NEDD4L: variants seen among roughly 807,000 people sequenced by gnomAD.
NEDD4L encodes E3 ubiquitin-protein ligase NEDD4-like.
Under a neutral mutation model 148.9 loss-of-function variants are expected in NEDD4L, and 54 were observed. The observed-to-expected ratio is 0.36, with a 90% CI of 0.29 to 0.45. The LOEUF is 0.45. NEDD4L is among the 20% of genes least tolerant of loss of function. NEDD4L has a pLI of 1.00. For missense variants in NEDD4L, 856 were observed against 1,233.8 expected (o/e 0.69, Z 4.59); for synonymous variants, 433 against 440.7 (o/e 0.98, Z 0.22).
intron 1 of NEDD4L, among the ~76,000 whole-genome samples, chr18:58,099,750 G>T (rs1044871173): frequency 6.6e-6 from 1 of 152,224 alleles, no homozygotes; most frequent in African/African-American, 2.4e-5. Context: ...TCTAAGGGGT[G>T]TAAGACGGCC....
intron 24 of NEDD4L, among the ~76,000 whole-genome samples, chr18:58,374,830 C>T (rs1051116240): frequency 2.6e-5 from 4 of 152,130 alleles, no homozygotes; most frequent in African/African-American, 9.7e-5. Context: ...CCTGCACCCG[C>T]TGCTTTTTTG....
intron 2 of NEDD4L, among the ~76,000 whole-genome samples, chr18:58,206,864 A>G (rs867080307): frequency 6.6e-6 from 1 of 152,184 alleles, no homozygotes; most frequent in Non-Finnish European, 1.5e-5. Context: ...TTGCATCCCC[A>G]CCTGGGCACC....
rs2048602456 is a variant in NEDD4L at position 58,256,566 on chromosome 18, G to A, written c.297+4512G>A. 18 of 1,232,310 alleles carry A rather than the reference G, an allele frequency of 1.5e-5. No homozygotes were observed. Among genetic ancestry groups the A allele is most frequent in the South Asian group, 1.2e-4 (3 of 24,316 alleles). The allele number at this position is 1,232,310 out of a possible 1,614,324, so 76.3% of individuals were successfully genotyped here. On this transcript the variant is annotated intron_variant, in intron 5 of 30. Transcript: ENST00000400345. The surrounding 1 kb of genome is among the most constrained non-coding windows in gnomAD (Gnocchi z 5.2). ...CGGGGAGCCCTGGAGGCATCGCCTC[G>A]AGCTGGCAGGATGGCTCCTGAAATC...
At chr18:58,205,201 A>G (rs2041855624) in intron 2 of NEDD4L, among the ~76,000 whole-genome samples, 1 of 152,224 alleles carries the variant, frequency 6.6e-6, no homozygotes, top group South Asian at 2.1e-4. Flanking sequence ...CTCCTAATGA[A>G]CTAATATAGT....
Position 58,325,064 on chromosome 18 carries a change from T to G in NEDD4L, c.582T>G (p.Pro194=), listed in dbSNP as rs779020402. 1.2e-6 allele frequency: 2 copies of G among 1,613,914 alleles called. No individual in the cohort carries two copies. The highest frequency in any genetic ancestry group is 2.7e-5 in the African/African-American group (2 of 74,946). The change falls in exon 9 of 31, where the codon CCT becomes CCG. Residue 194 remains proline, a synonymous_variant. Coordinates refer to ENST00000400345, the MANE Select transcript of NEDD4L (RefSeq NM_001144967.3). The part of the protein sequence containing the change: ...SQHQEELPPP[P]LPPGWEEKVD... ...ACCAAGAGGAACTTCCTCCTCCTCC[T>G]CTGCCTCCCGGGTGGGAAGAAAAAG...
rs1043648922 is a variant in NEDD4L at position 58,397,936 on chromosome 18, A to C, written c.*1667A>C. The C allele has an allele frequency of 6.6e-6, 1 of 152,482 alleles. No homozygotes were observed. Among genetic ancestry groups the C allele is most frequent in the Non-Finnish European group, 1.5e-5 (1 of 68,034 alleles). The allele number at this position is 152,482 out of a possible 1,614,324, so 9.4% of individuals were successfully genotyped here. A position where few individuals can be genotyped will look rare whatever the true frequency, so the allele number is the denominator to read the frequency against. ...GTTTGGGGAGGTCTGTTTGTTACAT[A>C]AAAAGGACCTTTCGGTGTAAGAAAT... is the stretch of plus-strand genomic sequence containing the variant. On this transcript the variant is annotated 3_prime_UTR_variant, in exon 31 of 31. Coordinates refer to ENST00000400345, the MANE Select transcript of NEDD4L (RefSeq NM_001144967.3).
intron 2 of NEDD4L, among the ~76,000 whole-genome samples, chr18:58,222,760 T>G (rs1447650724): frequency 1.3e-5 from 2 of 152,208 alleles, no homozygotes; most frequent in Admixed American, 1.3e-4. Context: ...GTATCAACAA[T>G]ATGAAATATC....
At chr18:58,142,750 C>G (rs746616845) in intron 1 of NEDD4L, among the ~76,000 whole-genome samples, 3 of 152,210 alleles carry the variant, frequency 2.0e-5, no homozygotes, top group Non-Finnish European at 2.9e-5. Context: ...TGTGAAGACT[C>G]TGGAAATGAG....
intron 21 of NEDD4L, 55 bp from the exon 22 acceptor site, chr18:58,367,691 C>T (rs2046307535): frequency 6.2e-7 from 1 of 1,605,078 alleles, no homozygotes; most frequent in East Asian, 2.2e-5. Context: ...AACAAATATG[C>T]AAAATCTTGC....
chr18:58,120,578 G>C (rs1052151491), intron 1 of NEDD4L, among the ~76,000 whole-genome samples: 7 of 152,158 alleles, frequency 4.6e-5, no homozygotes, highest in Non-Finnish European at 5.9e-5. Flanking sequence ...AGGAGATCGA[G>C]ACCATCCTGG....
chr18:58,198,101 G>A (rs1012605374), intron 2 of NEDD4L, among the ~76,000 whole-genome samples: 1 of 152,186 alleles, frequency 6.6e-6, no homozygotes, highest in African/African-American at 2.4e-5. Context: ...GATAGGTAAA[G>A]TTAGCCCTTT....
intron 3 of NEDD4L, 117 bp from the exon 4 acceptor site, chr18:58,248,782 C>T (rs2047573226): frequency 9.8e-6 from 6 of 610,964 alleles, no homozygotes; most frequent in Non-Finnish European, 1.5e-5. Context: ...CGACTAAATG[C>T]TTCTCTTAGC....
intron 1 of NEDD4L, among the ~76,000 whole-genome samples, chr18:58,067,223 T>A (rs1426242697): frequency 6.6e-6 from 1 of 152,148 alleles, no homozygotes; most frequent in Non-Finnish European, 1.5e-5. Context: ...TTAAGCAGAA[T>A]GCAGTCCTAG....
At chr18:58,051,264 C>G (rs6566927) in intron 1 of NEDD4L, among the ~76,000 whole-genome samples, 137,499 of 152,222 alleles carry the variant, frequency 0.9, 62,185 homozygotes, top group East Asian at 1. Context: ...TCTCAGAAAA[C>G]AAAGGCAAAC....
chr18:58,241,777 G>A (rs963909900), intron 2 of NEDD4L, among the ~76,000 whole-genome samples: 1 of 152,018 alleles, frequency 6.6e-6, no homozygotes, highest in Admixed American at 6.5e-5. Context: ...AGGCACTCAG[G>A]AAATAGAAGG....
chr18:58,118,962 T>C (rs1256505628), intron 1 of NEDD4L, among the ~76,000 whole-genome samples: 1 of 137,422 alleles, frequency 7.3e-6, no homozygotes, highest in Non-Finnish European at 1.6e-5. Context: ...CCTTTCTGGG[T>C]CTTGGATTTT....
At chr18:58,109,863 C>T (rs558184116) in intron 1 of NEDD4L, among the ~76,000 whole-genome samples, 105 of 152,236 alleles carry the variant, frequency 6.9e-4, no homozygotes, top group African/African-American at 2.3e-3. Flanking sequence ...CCACCAAACC[C>T]GGCTGACTAG....
chr18:58,085,728 A>G (rs142556422), intron 1 of NEDD4L, among the ~76,000 whole-genome samples: 1 of 152,188 alleles, frequency 6.6e-6, no homozygotes, highest in East Asian at 1.9e-4. Flanking sequence ...CTTATTTTAA[A>G]CAGCTTTCAT....
intron 1 of NEDD4L, among the ~76,000 whole-genome samples, chr18:58,125,189 G>A (rs767582571): frequency 7.2e-5 from 11 of 152,196 alleles, no homozygotes; most frequent in African/African-American, 2.2e-4. Flanking sequence ...GTGAGGCATC[G>A]CGCCTGGCCT....
Sources: gnomAD v4.1 joint callset for allele counts (sites outside exome capture counted in the v4.1 genomes callset) on GRCh38, gnomAD v4.1.1 for gene constraint, Gnocchi (gnomAD v3.1) non-coding constraint, MANE v1.5 for transcripts, NCBI Gene and HGNC (gene_info 2026-07-23, HGNC 2026-07-21) for gene names.